CREM: variants seen among roughly 807,000 people sequenced by gnomAD.
CREM encodes cAMP-responsive element modulator.
Under a neutral mutation model 37.3 loss-of-function variants are expected in CREM, and 13 were observed. The ratio of observed to expected loss-of-function variants is 0.35; its 90% CI spans 0.23 to 0.55. CREM has a LOEUF of 0.55. CREM is among the 20% of genes least tolerant of loss of function. The pLI is 0.88. For synonymous variants in CREM, 124 were observed against 120.2 expected (o/e 1.03, Z -0.21); for missense variants, 296 against 362.3 (o/e 0.82, Z 1.49).
At chr10:35,178,809 CA>C (rs774037958) in intron 3 of CREM, 79 bp from the exon 4 acceptor site, 1 of 1,129,510 alleles carries the variant, frequency 8.9e-7, no homozygotes, top group Non-Finnish European at 1.3e-6. Context: ...GCTGCACACA[CA>C]GACTCTTAGC....
intron 6 of CREM, chr10:35,196,155 T>C (rs1444260413): frequency 1.3e-6 from 2 of 1,575,520 alleles, no homozygotes; most frequent in Non-Finnish European, 1.7e-6. Flanking sequence ...GAGAAATGGA[T>C]TATGTATTGT....
intron 7 of CREM, among the ~76,000 whole-genome samples, chr10:35,208,598 C>A (rs370764096): frequency 6.6e-6 from 1 of 152,122 alleles, no homozygotes; most frequent in East Asian, 1.9e-4. Flanking sequence ...GCCCAGACTC[C>A]CGCTCCCGGC....
intron 3 of CREM, among the ~76,000 whole-genome samples, chr10:35,176,409 CTTTT>C (rs773627501): frequency 7.5e-6 from 1 of 133,118 alleles, no homozygotes; most frequent in Non-Finnish European, 1.6e-5. Flanking sequence ...TTTTTTTCTT[CTTTT>C]TTTTTTTTTT....
intron 1 of CREM, among the ~76,000 whole-genome samples, chr10:35,132,276 G>T (rs1191564037): frequency 6.6e-6 from 1 of 151,910 alleles, no homozygotes; most frequent in African/African-American, 2.4e-5. Context: ...TGTTTGAAAG[G>T]ATGGAGACAG....
intron 1 of CREM, among the ~76,000 whole-genome samples, chr10:35,136,810 T>TGG (rs1487741542): frequency 1.8e-4 from 12 of 66,710 alleles, no homozygotes; most frequent in African/African-American, 5.4e-4. Context: ...TTTTTTTTTT[T>TGG]GGGACTCTGT....
chr10:35,149,755 T>C (rs2092437931), intron 3 of CREM, among the ~76,000 whole-genome samples: 1 of 152,048 alleles, frequency 6.6e-6, no homozygotes, highest in South Asian at 2.1e-4. Context: ...TGCTTTTCTT[T>C]CCTCTTTAAA....
intron 2 of CREM, among the ~76,000 whole-genome samples, chr10:35,138,756 G>A (rs1221640577): frequency 2.0e-5 from 3 of 151,442 alleles, no homozygotes; most frequent in Non-Finnish European, 4.4e-5. Context: ...GGGTGCAGTG[G>A]CTTAATCTGT....
intron 3 of CREM, chr10:35,148,708 G>C: frequency 2.2e-6 from 1 of 459,898 alleles, no homozygotes; most frequent in Non-Finnish European, 3.8e-6. Context: ...CCACCACTAT[G>C]GAAGGAAAAA....
rs537471584 is a variant in CREM, at chr10:35,133,590, C to T, written c.-54-4192C>T. Among the ~76,000 whole-genome samples, 29 of 152,304 alleles carry T rather than the reference C, an allele frequency of 1.9e-4. No individual in the cohort carries two copies. The South Asian group carries it at 3.1e-3, about 16-fold the overall frequency. ...CTGGGATTACAGGCGTGAGCCATGG[C>T]GCCTGTCCAAAAGCAGTTTGTTTTA... On this transcript the variant is annotated intron_variant, in intron 1 of 7. Coordinates refer to ENST00000685392, the MANE Select transcript of CREM (RefSeq NM_183011.2).
chr10:35,202,489 C>T (rs1346329514), intron 6 of CREM, among the ~76,000 whole-genome samples: 1 of 152,148 alleles, frequency 6.6e-6, no homozygotes, highest in African/African-American at 2.4e-5. Context: ...CTCCTGGGCT[C>T]AAGTGATCCT....
intron 6 of CREM, chr10:35,195,733 CTG>C: frequency 2.6e-6 from 1 of 380,224 alleles, no homozygotes; most frequent in South Asian, 3.1e-5. Flanking sequence ...TTCTTTCCTC[CTG>C]TATTTAAAAT....
At chr10:35,204,885 A>G (rs1172983665) in intron 6 of CREM, among the ~76,000 whole-genome samples, 1 of 152,224 alleles carries the variant, frequency 6.6e-6, no homozygotes, top group Non-Finnish European at 1.5e-5. Context: ...TATTTAGCTG[A>G]CAAAGTATTT....
At chr10:35,159,091 T>C (rs1181192533) in intron 3 of CREM, among the ~76,000 whole-genome samples, 23 of 152,168 alleles carry the variant, frequency 1.5e-4, no homozygotes, top group Non-Finnish European at 4.4e-5. Flanking sequence ...GTAACCTATG[T>C]GAAGCAACAT....
At chr10:35,194,901 C>CATTATTATTATT (rs113909710) in intron 6 of CREM, among the ~76,000 whole-genome samples, 52 of 149,696 alleles carry the variant, frequency 3.5e-4, no homozygotes, top group South Asian at 2.1e-3. Context: ...CTAAAAGAGA[C>CATTATTATTATT]ATTATTATTA....
intron 1 of CREM, among the ~76,000 whole-genome samples, chr10:35,134,192 G>A (rs770865323): frequency 2.0e-5 from 3 of 151,556 alleles, no homozygotes; most frequent in Non-Finnish European, 4.4e-5. Context: ...GATTATAGGT[G>A]CACATCACCA....
intron 3 of CREM, among the ~76,000 whole-genome samples, chr10:35,158,798 GTTTTTTTTT>G (rs543961468): frequency 6.9e-5 from 7 of 100,812 alleles, no homozygotes; most frequent in Admixed American, 1.9e-4. Context: ...CAAATATAGT[GTTTTTTTTT>G]TGTTGTTTTG....
intron 6 of CREM, chr10:35,195,942 A>T: frequency 1.1e-6 from 1 of 945,332 alleles, no homozygotes; most frequent in Non-Finnish European, 1.7e-6. Context: ...CTAGCTCACC[A>T]CTGCCTCTGC....
chr10:35,187,450 G>T (rs2094698734), intron 5 of CREM, among the ~76,000 whole-genome samples: 1 of 148,424 alleles, frequency 6.7e-6, no homozygotes, highest in South Asian at 2.1e-4. Context: ...AGTAGAGGCG[G>T]GGTTTCACCA....
At position 35,147,905 on chromosome 10, in the gene CREM, G is replaced by A. The variant is rs543416080; in HGVS notation, c.45-463G>A. 2.6e-5 allele frequency among the ~76,000 whole-genome samples: 4 copies of A among 152,244 alleles called. No individual in the cohort carries two copies. The South Asian group carries it at 8.3e-4, about 32-fold the overall frequency. On this transcript the variant is annotated intron_variant, in intron 2 of 7. Transcript: ENST00000685392. ...TCTACTATTGAACCTGTTTCTTGAA[G>A]AAAACAAAAACCAGATAGTACAATT...
Sources: gnomAD v4.1 joint callset for allele counts (sites outside exome capture counted in the v4.1 genomes callset) on GRCh38, gnomAD v4.1.1 for gene constraint, MANE v1.5 for transcripts, NCBI Gene and HGNC (gene_info 2026-07-23, HGNC 2026-07-21) for gene names.